Variants in ENTREP2 observed in about 807,000 individuals in gnomAD.
The protein encoded by ENTREP2 is endosomal transmembrane epsin interactor 2.
the ENTREP2 span, among the ~76,000 whole-genome samples, chr15:29,467,934 T>C: frequency 1.3e-5 from 2 of 152,084 alleles, no homozygotes; most frequent in African/African-American, 4.8e-5. Context: ...GCTCCAGCTC[T>C]GCCCCTCCCT....
the ENTREP2 span, among the ~76,000 whole-genome samples, chr15:29,559,906 G>A: frequency 7.7e-4 from 117 of 152,270 alleles, 1 homozygote; most frequent in East Asian, 0.019. Context: ...CTACCACATT[G>A]ACCTAACCCA....
the ENTREP2 span, among the ~76,000 whole-genome samples, chr15:29,401,369 T>C: frequency 6.6e-6 from 1 of 152,094 alleles, no homozygotes; most frequent in African/African-American, 2.4e-5. Context: ...GAATAGGATG[T>C]TTAGATTTTT....
At chr15:29,157,466 G>A in the ENTREP2 span, among the ~76,000 whole-genome samples, 1 of 152,186 alleles carries the variant, frequency 6.6e-6, no homozygotes, top group South Asian at 2.1e-4. Context: ...TAAGTGACAT[G>A]AATTTTGTGC....
At chr15:29,142,065 C>T in the ENTREP2 span, among the ~76,000 whole-genome samples, 21 of 152,296 alleles carry the variant, frequency 1.4e-4, no homozygotes, top group African/African-American at 4.6e-4. Flanking sequence ...AAGCAGAAAC[C>T]GCTGCCAAGT....
At chr15:29,573,527 T>C in the ENTREP2 span, among the ~76,000 whole-genome samples, 17 of 152,312 alleles carry the variant, frequency 1.1e-4, no homozygotes, top group African/African-American at 4.1e-4. Context: ...TGTTTCAAAG[T>C]TACTTTCCCC....
At chr15:29,166,241 G>A in the ENTREP2 span, among the ~76,000 whole-genome samples, 2 of 152,024 alleles carry the variant, frequency 1.3e-5, no homozygotes, top group African/African-American at 2.4e-5. Context: ...AACTGAAAGC[G>A]TTCCCTCTGA....
chr15:29,190,222 T>C, the ENTREP2 span, among the ~76,000 whole-genome samples: 1 of 152,270 alleles, frequency 6.6e-6, no homozygotes, highest in East Asian at 1.9e-4. Flanking sequence ...TACAATTCTG[T>C]GAATCCCTGT....
the ENTREP2 span, among the ~76,000 whole-genome samples, chr15:29,185,369 C>T: frequency 6.6e-6 from 1 of 152,112 alleles, no homozygotes; most frequent in East Asian, 1.9e-4. Flanking sequence ...TGCTTTTGTC[C>T]TTTGTTCTTC....
At chr15:29,348,557 G>GA in the ENTREP2 span, among the ~76,000 whole-genome samples, 1 of 152,182 alleles carries the variant, frequency 6.6e-6, no homozygotes, top group African/African-American at 2.4e-5. Flanking sequence ...TAGCCTGAGA[G>GA]AATGTGGAGT....
chr15:29,558,222 G>A, the ENTREP2 span, among the ~76,000 whole-genome samples: 1 of 152,102 alleles, frequency 6.6e-6, no homozygotes. Flanking sequence ...ACTCAGAGAG[G>A]AGCAGCCTGT....
the ENTREP2 span, among the ~76,000 whole-genome samples, chr15:29,554,166 A>G: frequency 6.6e-6 from 1 of 152,016 alleles, no homozygotes; most frequent in African/African-American, 2.4e-5. Flanking sequence ...TACAAAAGTT[A>G]GCTGCGTGTG....
the ENTREP2 span, among the ~76,000 whole-genome samples, chr15:29,478,759 G>T: frequency 1.3e-5 from 2 of 150,864 alleles, no homozygotes; most frequent in East Asian, 4.0e-4. Flanking sequence ...ACAAAAATTA[G>T]CTGGGCGTGG....
At chr15:29,354,106 G>C in the ENTREP2 span, among the ~76,000 whole-genome samples, 1 of 152,188 alleles carries the variant, frequency 6.6e-6, no homozygotes, top group Non-Finnish European at 1.5e-5. Context: ...ACCTCATCCA[G>C]TCCACTGAGG....
chr15:29,190,299 A>G, the ENTREP2 span, among the ~76,000 whole-genome samples: 1 of 151,972 alleles, frequency 6.6e-6, no homozygotes, highest in African/African-American at 2.4e-5. Context: ...CCCCATAAGG[A>G]GGTAAGAAAC....
the ENTREP2 span, among the ~76,000 whole-genome samples, chr15:29,463,469 A>G: frequency 6.6e-6 from 1 of 152,244 alleles, no homozygotes; most frequent in Admixed American, 6.5e-5. Flanking sequence ...ATTGAGCCGT[A>G]GATTTACAAT....
the ENTREP2 span, among the ~76,000 whole-genome samples, chr15:29,335,259 G>A: frequency 1.3e-5 from 2 of 152,186 alleles, no homozygotes; most frequent in Non-Finnish European, 2.9e-5. Context: ...ACAGTTAGAT[G>A]GGTTTATCCG....
the ENTREP2 span, among the ~76,000 whole-genome samples, chr15:29,207,079 T>C: frequency 6.6e-6 from 1 of 152,128 alleles, no homozygotes; most frequent in Non-Finnish European, 1.5e-5. Flanking sequence ...CCTGCAGCAG[T>C]GCCCTCAGCC....
chr15:29,134,044 C>T, the ENTREP2 span, among the ~76,000 whole-genome samples: 14,365 of 152,090 alleles, frequency 0.094, 2,363 homozygotes, highest in African/African-American at 0.33. Context: ...CCAGACCTTC[C>T]ATGGACCCCC....
chr15:29,511,517 GT>G, the ENTREP2 span, among the ~76,000 whole-genome samples: 4 of 151,038 alleles, frequency 2.6e-5, no homozygotes, highest in Non-Finnish European at 5.9e-5. Flanking sequence ...ATTTTTTGTA[GT>G]TTTAGTAGAG....
Sources: allele counts gnomAD v4.1 joint callset (sites outside exome capture counted in the v4.1 genomes callset), GRCh38; gene constraint gnomAD v4.1.1; transcripts MANE v1.5; gene names NCBI Gene and HGNC (gene_info 2026-07-23, HGNC 2026-07-21).